SLC2A13: variants seen among roughly 807,000 people sequenced by gnomAD.
SLC2A13 encodes proton myo-inositol cotransporter.
A neutral mutation model predicts 64.4 loss-of-function variants in SLC2A13; 32 were observed. The observed-to-expected ratio is 0.50, with a 90% confidence interval of 0.37 to 0.67. The LOEUF (loss-of-function observed/expected upper bound fraction) is 0.67. SLC2A13 is among the 30% of genes least tolerant of loss of function. The probability of loss-of-function intolerance (pLI) is 0.00; values close to 1 mark genes in which losing one functional copy is unlikely to be tolerated. For synonymous variants in SLC2A13, 338 were observed against 327.1 expected, an observed-to-expected ratio of 1.03 and a Z score of -0.36; for missense variants, 743 against 829.2, an observed-to-expected ratio of 0.90 and a Z score of 1.28.
chr12:39,912,850 C>T (rs1047041906), intron 4 of SLC2A13, among the ~76,000 whole-genome samples: 10 of 152,038 alleles, frequency 6.6e-5, no homozygotes, highest in African/African-American at 2.4e-4. Flanking sequence ...TTTCTCAGGT[C>T]TAGGACAAGT....
At chr12:39,821,423 T>A (rs1266649946) in intron 7 of SLC2A13, among the ~76,000 whole-genome samples, 1 of 150,848 alleles carries the variant, frequency 6.6e-6, no homozygotes, top group African/African-American at 2.5e-5. Flanking sequence ...AAAAAAAAAT[T>A]TTTTTTTGTG....
intron 4 of SLC2A13, among the ~76,000 whole-genome samples, chr12:39,896,545 T>TATAC (rs1944913704): frequency 7.1e-6 from 1 of 141,586 alleles, no homozygotes; most frequent in South Asian, 2.2e-4. Flanking sequence ...TGTATGTATG[T>TATAC]GTGTATACAT....
intron 3 of SLC2A13, among the ~76,000 whole-genome samples, chr12:39,962,511 C>T (rs1229297550): frequency 1.3e-5 from 2 of 152,210 alleles, no homozygotes; most frequent in African/African-American, 4.8e-5. Context: ...CCCATTTATG[C>T]ATCTCTGCCT....
chr12:40,009,510 G>T (rs1490681239), intron 3 of SLC2A13, among the ~76,000 whole-genome samples: 2 of 152,232 alleles, frequency 1.3e-5, no homozygotes, highest in Non-Finnish European at 2.9e-5. Context: ...GCTCACTACA[G>T]CCTTGACTCC....
At chr12:39,929,764 G>T (rs1485871487) in intron 4 of SLC2A13, among the ~76,000 whole-genome samples, 4 of 128,400 alleles carry the variant, frequency 3.1e-5, no homozygotes. Flanking sequence ...AAAGGAAGAG[G>T]CTTTACAGCT....
intron 6 of SLC2A13, among the ~76,000 whole-genome samples, chr12:39,843,276 C>G (rs1943222750): frequency 6.6e-6 from 1 of 151,846 alleles, no homozygotes; most frequent in African/African-American, 2.4e-5. Flanking sequence ...TCAGGTTTTC[C>G]AAATCAGTGC....
chr12:39,822,389 G>A (rs1566830397), intron 7 of SLC2A13, among the ~76,000 whole-genome samples: 1 of 152,100 alleles, frequency 6.6e-6, no homozygotes, highest in Non-Finnish European at 1.5e-5. Flanking sequence ...CTATGAAAAT[G>A]TATCTATAAA....
At chr12:40,035,416 A>G (rs1455829552) in intron 2 of SLC2A13, among the ~76,000 whole-genome samples, 1 of 152,206 alleles carries the variant, frequency 6.6e-6, no homozygotes, top group Non-Finnish European at 1.5e-5. Context: ...TCACAAGTCT[A>G]TTTTAGCAGA....
At chr12:39,854,109 A>T (rs765723130) in intron 6 of SLC2A13, among the ~76,000 whole-genome samples, 71 of 152,150 alleles carry the variant, frequency 4.7e-4, no homozygotes, top group Non-Finnish European at 9.3e-4. Flanking sequence ...AGCAAAAAAA[A>T]AAATAAAGGC....
intron 3 of SLC2A13, among the ~76,000 whole-genome samples, chr12:39,987,231 G>T (rs1947047186): frequency 6.6e-6 from 1 of 152,108 alleles, no homozygotes; most frequent in African/African-American, 2.4e-5. Context: ...TGCCCCCAAG[G>T]ATTTTAATGT....
At chr12:39,778,786 A>G (rs1940869203) in intron 7 of SLC2A13, among the ~76,000 whole-genome samples, 1 of 152,158 alleles carries the variant, frequency 6.6e-6, no homozygotes, top group Non-Finnish European at 1.5e-5. Context: ...CTATCAACTT[A>G]AATACCAATG....
rs182514225 is a variant in SLC2A13 at position 39,884,554 on chromosome 12, A to C, written c.1035-12593T>G. On this transcript the variant is annotated intron_variant, in intron 4 of 9. Transcript: ENST00000280871. ...TCTCAATAAGATGCAATTAAGATACACTTATTCAGGACGTACTATGTGCCA... is the reference window on the plus strand; with the variant it reads ...TCTCAATAAGATGCAATTAAGATACCCTTATTCAGGACGTACTATGTGCCA... Among the ~76,000 whole-genome samples the C allele has an allele frequency of 2.0e-5, 3 of 152,262 alleles. No individual in the cohort carries two copies. In the East Asian group the frequency reaches 5.8e-4, roughly 29 times the overall value.
At chr12:39,981,365 C>CA (rs1480846011) in intron 3 of SLC2A13, among the ~76,000 whole-genome samples, 3 of 151,946 alleles carry the variant, frequency 2.0e-5, no homozygotes, top group East Asian at 1.9e-4. Flanking sequence ...AAAAACCCTT[C>CA]AAAAAATCAA....
chr12:40,103,079 T>A (rs1179343030), intron 1 of SLC2A13, among the ~76,000 whole-genome samples: 1 of 152,092 alleles, frequency 6.6e-6, no homozygotes, highest in Non-Finnish European at 1.5e-5. Flanking sequence ...GGAGAACATA[T>A]CTAAACTGGG....
chr12:39,924,376 G>A (rs1008892702), intron 4 of SLC2A13, among the ~76,000 whole-genome samples: 1 of 151,938 alleles, frequency 6.6e-6, no homozygotes, highest in Admixed American at 6.6e-5. Flanking sequence ...TAGATACTAA[G>A]TATCTACTAT....
chr12:39,964,846 GC>G (rs1022034571), intron 3 of SLC2A13, among the ~76,000 whole-genome samples: 15 of 152,102 alleles, frequency 9.9e-5, no homozygotes, highest in African/African-American at 3.6e-4. Context: ...TTCCATGAAA[GC>G]TATAAGAGGC....
At chr12:40,026,994 C>G (rs1207679099) in intron 3 of SLC2A13, among the ~76,000 whole-genome samples, 1 of 151,760 alleles carries the variant, frequency 6.6e-6, no homozygotes, top group African/African-American at 2.4e-5. Context: ...GCAGGAGAAT[C>G]ACTTGAACTC....
chr12:40,042,754 T>C (rs1323056213), intron 2 of SLC2A13, among the ~76,000 whole-genome samples: 5 of 151,846 alleles, frequency 3.3e-5, no homozygotes, highest in Admixed American at 3.3e-4. Context: ...AGTTCCAAAA[T>C]GAATGAGAGG....
In SLC2A13 at chr12:39,889,712, T is replaced by C. The variant is rs564894831; in HGVS notation, c.1035-17751A>G. On this transcript the variant is annotated intron_variant, in intron 4 of 9. Coordinates refer to ENST00000280871, the MANE Select transcript of SLC2A13 (RefSeq NM_052885.4). Reference sequence around the variant, plus strand: ...CACGCCCGGCTAATTTTTGTATTTTTAGAGAGACGGGGTTTCACCATGTTG... The same window carrying C: ...CACGCCCGGCTAATTTTTGTATTTTCAGAGAGACGGGGTTTCACCATGTTG... Among the ~76,000 whole-genome samples, 17 of 152,068 alleles carry C rather than the reference T, an allele frequency of 1.1e-4. No homozygotes were observed. The East Asian group carries it at 3.3e-3, about 29-fold the overall frequency.
Sources: allele counts gnomAD v4.1 joint callset (sites outside exome capture counted in the v4.1 genomes callset), GRCh38; gene constraint gnomAD v4.1.1; transcripts MANE v1.5; gene names NCBI Gene and HGNC (gene_info 2026-07-23, HGNC 2026-07-21).